Variants in PTPN12 observed in about 807,000 individuals in gnomAD.
PTPN12 encodes the protein tyrosine-protein phosphatase non-receptor type 12.
Under a neutral mutation model 97.6 loss-of-function variants are expected in PTPN12, and 29 were observed. The observed-to-expected ratio is 0.30, with a 90% CI of 0.22 to 0.41. PTPN12 has a LOEUF of 0.41. Ranked by LOEUF, PTPN12 falls within the 10% of genes least tolerant of loss-of-function variation. The pLI, the probability that PTPN12 is intolerant of heterozygous loss-of-function variation, is 1.00. For synonymous variants in PTPN12, 327 were observed against 300.4 expected (o/e 1.09, Z -0.91); for missense variants, 819 against 926.0 (o/e 0.88, Z 1.50).
At chr7:77,600,990 C>T (rs1024834727) in intron 8 of PTPN12, 184 bp downstream of exon 8, 1 of 537,506 alleles carries the variant, frequency 1.9e-6, no homozygotes, top group Non-Finnish European at 3.3e-6. Flanking sequence ...AGTATTGTTG[C>T]ATTAAAACAC....
rs768830214 is a variant in PTPN12, at chr7:77,635,798, G to A, written c.2091G>A (p.Ser697=). 25 of 1,602,218 alleles carry A rather than the reference G, an allele frequency of 1.6e-5. No homozygotes were observed. The highest frequency in any genetic ancestry group is 1.1e-4 in the East Asian group (5 of 44,460). Residue 697 remains serine, a synonymous_variant, in exon 15 of 18, where the codon TCG becomes TCA. Transcript: ENST00000248594. ...LASEHNTPVR[S]EWSELQSQER... is the part of the protein sequence containing the mutation. The stretch of plus-strand genomic sequence containing the variant: ...TTTTCTCAGATACACCTGTAAGATC[G>A]GAATGGAGTGAACTTCAAAGTCAGG...
intron 1 of PTPN12, among the ~76,000 whole-genome samples, chr7:77,554,846 A>AAAGT (rs1807632937): frequency 6.6e-6 from 1 of 151,864 alleles, no homozygotes; most frequent in African/African-American, 2.4e-5. Flanking sequence ...TACTCACTTA[A>AAAGT]GTTTTTTTTT....
rs780564550 is a variant in PTPN12 at position 77,611,111 on chromosome 7, C to CT, written c.939+73dup. The CT allele has an allele frequency of 2.2e-4, 284 of 1,277,442 alleles. 1 individual carries two copies. The highest frequency in any genetic ancestry group is 1.0e-3 in the Middle Eastern group (4 of 3,928). 79.1% of individuals were successfully genotyped at this position (1,277,442 alleles called of 1,614,324 possible). A position where few individuals can be genotyped will look rare whatever the true frequency, so the allele number is the denominator to read the frequency against. ...TCTTTGTTAAGATGTAATATTTAGC[C>CT]TTTTTTTTGTTGTCTTGTGTTTTGT... is the stretch of plus-strand genomic sequence containing the variant. On this transcript the variant is annotated intron_variant, in intron 11 of 17. Transcript: ENST00000248594.
chr7:77,562,756 G>A (rs1584111974), intron 1 of PTPN12, among the ~76,000 whole-genome samples: 1 of 152,132 alleles, frequency 6.6e-6, no homozygotes, highest in Non-Finnish European at 1.5e-5. Context: ...TCCATTTATT[G>A]TATTAGATAT....
rs1194186735 is a variant in PTPN12 at position 77,595,344 on chromosome 7, A to G, written c.493-2498A>G. 5.3e-5 allele frequency among the ~76,000 whole-genome samples: 8 copies of G among 152,348 alleles called. No homozygotes were observed. In the East Asian group the frequency reaches 1.5e-3, roughly 29 times the overall value. ...AATATTCGTAGTAAGTCATTTGACT[A>G]CTTGGCAGTCAGAGTTTGAGACTGA... is the stretch of plus-strand genomic sequence containing the variant. On this transcript the variant is annotated intron_variant, in intron 6 of 17. Coordinates refer to ENST00000248594, the MANE Select transcript of PTPN12 (RefSeq NM_002835.4).
At position 77,639,443 on chromosome 7, in the gene PTPN12, G is replaced by T; in HGVS notation, c.*163G>T. On this transcript the variant is annotated 3_prime_UTR_variant, in exon 18 of 18. Transcript: ENST00000248594. Reference sequence around the variant, plus strand: ...ATCTACCTGCCTTATACTACACTTAGGAAAAAGTATTACATATGGTTTATT... The same window carrying T: ...ATCTACCTGCCTTATACTACACTTATGAAAAAGTATTACATATGGTTTATT... The T allele has an allele frequency of 1.8e-6, 1 of 547,858 alleles. No homozygotes were observed. The highest frequency in any genetic ancestry group is 3.2e-6 in the Non-Finnish European group (1 of 312,548). The allele number at this position is 547,858 out of a possible 1,614,324, so 33.9% of individuals were successfully genotyped here. A position where few individuals can be genotyped will look rare whatever the true frequency, so the allele number is the denominator to read the frequency against.
intron 1 of PTPN12, among the ~76,000 whole-genome samples, chr7:77,565,953 G>A (rs1808237884): frequency 6.6e-6 from 1 of 152,178 alleles, no homozygotes; most frequent in South Asian, 2.1e-4. Context: ...TTATAGATTA[G>A]TGGACGAGAC....
In PTPN12 at chr7:77,597,909, C is replaced by T. The variant is rs1289753260; in HGVS notation, c.552+8C>T. 1.2e-6 allele frequency: 2 copies of T among 1,612,186 alleles called. No homozygotes were observed. The highest frequency in any genetic ancestry group is 4.5e-5 in the East Asian group (2 of 44,800). ...TTACTTGAATTTCAAAATGTAGGTA[C>T]TTACCATTTATAGACTATCTGTAAG... On this transcript the variant is annotated splice_region_variant and intron_variant, in intron 7 of 17. Transcript: ENST00000248594.
intron 9 of PTPN12, among the ~76,000 whole-genome samples, chr7:77,607,535 C>T (rs2151372719): frequency 6.6e-6 from 1 of 151,976 alleles, no homozygotes; most frequent in South Asian, 2.1e-4. Context: ...GGGCTCGAGA[C>T]CAGCCTGGGG....
At chr7:77,542,210 C>G (rs528485203) in intron 1 of PTPN12, among the ~76,000 whole-genome samples, 1 of 152,152 alleles carries the variant, frequency 6.6e-6, no homozygotes, top group Non-Finnish European at 1.5e-5. Context: ...CAATTCTGGA[C>G]AGTCTGCATT....
chr7:77,607,201 A>G (rs779177817), intron 8 of PTPN12, 34 bp from the exon 9 acceptor site: 18 of 1,491,624 alleles, frequency 1.2e-5, no homozygotes, highest in Admixed American at 4.2e-5. Context: ...TTTTATCACA[A>G]AAATCAATTG....
chr7:77,583,927 G>C, intron 4 of PTPN12: 1 of 283,188 alleles, frequency 3.5e-6, no homozygotes, highest in Non-Finnish European at 6.7e-6. Context: ...AAGCAGAAAA[G>C]GATTAGTGCT....
chr7:77,603,927 C>T (rs1182405002), intron 8 of PTPN12, among the ~76,000 whole-genome samples: 2 of 115,604 alleles, frequency 1.7e-5, no homozygotes, highest in African/African-American at 3.6e-5. Context: ...CTTGCACTGT[C>T]GCCCGGGCTG....
chr7:77,566,677 T>C (rs1008897807), intron 1 of PTPN12, among the ~76,000 whole-genome samples: 3 of 151,874 alleles, frequency 2.0e-5, no homozygotes, highest in African/African-American at 7.3e-5. Flanking sequence ...TGAGCTGTGA[T>C]TGCACCACTG....
chr7:77,538,650 G>A (rs1401665620), intron 1 of PTPN12: 1 of 152,010 alleles, frequency 6.6e-6, no homozygotes, highest in Non-Finnish European at 1.5e-5. Flanking sequence ...TATTGCTTTA[G>A]CACACTGTGA....
chr7:77,558,730 TGTG>T (rs1445568898), intron 1 of PTPN12, among the ~76,000 whole-genome samples: 1 of 152,150 alleles, frequency 6.6e-6, no homozygotes, highest in African/African-American at 2.4e-5. Flanking sequence ...GTACAAACAA[TGTG>T]GTTTATGAGC....
chr7:77,548,457 A>G (rs1807325439), intron 1 of PTPN12, among the ~76,000 whole-genome samples: 1 of 152,190 alleles, frequency 6.6e-6, no homozygotes, highest in Non-Finnish European at 1.5e-5. Flanking sequence ...TTTACTCCTG[A>G]CGTCATAAAC....
At chr7:77,602,715 T>A (rs1788229372) in intron 8 of PTPN12, among the ~76,000 whole-genome samples, 1 of 152,192 alleles carries the variant, frequency 6.6e-6, no homozygotes, top group Admixed American at 6.5e-5. Context: ...AGGTATGGGT[T>A]TCTACATAGT....
intron 7 of PTPN12, among the ~76,000 whole-genome samples, chr7:77,598,898 A>G (rs1233122838): frequency 6.6e-6 from 1 of 151,030 alleles, no homozygotes; most frequent in Non-Finnish European, 1.5e-5. Flanking sequence ...TTTTATTTTT[A>G]AAGCATGTGA....
Sources: allele counts gnomAD v4.1 joint callset (sites outside exome capture counted in the v4.1 genomes callset), GRCh38; gene constraint gnomAD v4.1.1; transcripts MANE v1.5; gene names NCBI Gene and HGNC (gene_info 2026-07-23, HGNC 2026-07-21).